The following MICA variants were observed in gnomAD, a reference collection of about 807,000 sequenced individuals.
The protein encoded by MICA is MHC class I polypeptide-related sequence A.
In MICA, 18 loss-of-function variants were observed where a neutral mutation model predicts 34.3. The ratio of observed to expected loss-of-function variants is 0.52; its 90% CI spans 0.36 to 0.78. The LOEUF is 0.78. Among genes scored for constraint, MICA ranks in the 30% least tolerant of loss-of-function variants. The pLI is 0.00. For missense variants in MICA, 333 were observed against 409.4 expected (o/e 0.81, Z 1.61); for synonymous variants, 135 against 156.9 (o/e 0.86, Z 1.04).
upstream of MICA, chr6:31,402,132 TTTTTC>T (rs1302685398): frequency 1.3e-5 from 2 of 151,976 alleles, no homozygotes; most frequent in African/African-American, 4.8e-5. Context: ...CTTTTTTTCT[TTTTTC>T]TTTTCTTTTT....
chr6:31,413,190 C>T (rs1453179920), intron 5 of MICA, among the ~76,000 whole-genome samples: 1 of 151,862 alleles, frequency 6.6e-6, no homozygotes, highest in African/African-American at 2.4e-5. Flanking sequence ...GAGTTTCTTG[C>T]AGATGACATG....
At chr6:31,413,306 T>G (rs73728568) in intron 5 of MICA, among the ~76,000 whole-genome samples, 2,895 of 151,858 alleles carry the variant, frequency 0.019, 124 homozygotes, top group African/African-American at 0.063. Flanking sequence ...AGTGTTTTCT[T>G]CTCCAGTCCC....
intron 1 of MICA, 62 bp from the exon 2 acceptor site, chr6:31,410,481 T>C: frequency 6.3e-7 from 1 of 1,581,716 alleles, no homozygotes; most frequent in Non-Finnish European, 8.6e-7. Flanking sequence ...GACCTGTGTG[T>C]TAAACATCAA....
At chr6:31,404,848 C>G (rs1389978768) in intron 1 of MICA, among the ~76,000 whole-genome samples, 4 of 151,364 alleles carry the variant, frequency 2.6e-5, no homozygotes, top group Admixed American at 2.0e-4. Flanking sequence ...CAGCCTCACC[C>G]TCTTGAGGAC....
At chr6:31,413,533 A>G (rs1481557583) in intron 5 of MICA, among the ~76,000 whole-genome samples, 1 of 151,950 alleles carries the variant, frequency 6.6e-6, no homozygotes, top group East Asian at 1.9e-4. Context: ...CAAAGACAGA[A>G]GCAGTTCAGG....
Position 31,412,356 on chromosome 6 carries a change from G to A in MICA, c.924G>A (p.Gln308=), listed in dbSNP as rs1211108223. The stretch of plus-strand genomic sequence containing the variant: ...TGCTGGTGCTTCAGAGTCATTGGCA[G>A]ACATTCCATGTTTCTGCTGTTGCTG... The part of the protein sequence containing the change: ...GKVLVLQSHW[Q]TFHVSAVAAG... The change falls in exon 5 of 6, where the codon CAG becomes CAA. Residue 308 remains glutamine, a synonymous_variant. Transcript: ENST00000449934. 1 of 1,590,248 alleles carries A rather than the reference G, an allele frequency of 6.3e-7. No individual in the cohort carries two copies. The highest frequency in any genetic ancestry group is 1.4e-5 in the African/African-American group (1 of 72,780).
Position 31,411,282 on chromosome 6 carries a change from A to G in MICA, c.536A>G (p.His179Arg), listed in dbSNP as rs3819268. Residue 179 changes from histidine to arginine, a missense_variant, in exon 3 of 6, where the codon CAC (histidine) becomes CGC (arginine). By Grantham distance (29) the His-to-Arg change is conservative. Transcript: ENST00000449934. This position sits in a 1 kb window ranked among gnomAD's most constrained non-coding sequence, Gnocchi z 4.3. ...LKEDAMKTKT[H>R]YHAMHADCLQ... ...GAAGATGCCATGAAGACCAAGACAC[A>G]CTATCACGCTATGCATGCAGACTGC... 1.8e-4 allele frequency: 282 copies of G among 1,609,616 alleles called. 1 individual carries two copies. In the African/African-American group the frequency reaches 3.3e-3, roughly 19 times the overall value.
At position 31,410,617 on chromosome 6, in the gene MICA, G is replaced by T. The variant is rs1562243848; in HGVS notation, c.145G>T (p.Val49Leu). 6.2e-7 allele frequency: 1 copy of T among 1,613,582 alleles called. No homozygotes were observed. Among genetic ancestry groups the T allele is most frequent in the Admixed American group, 1.7e-5 (1 of 59,790 alleles). ...TGTGCAGTCAGGGTTTCTTGCTGAG[G>T]TACATCTGGATGGTCAGCCCTTCCT... is the stretch of plus-strand genomic sequence containing the variant. The part of the protein sequence containing the change: ...GSVQSGFLAE[V>L]HLDGQPFLRY... Residue 49 changes from valine (V) to leucine (L), a missense_variant, in exon 2 of 6, where the codon GTA becomes TTA. Transcript: ENST00000449934.
In MICA at chr6:31,411,808, C is replaced by G; in HGVS notation, c.614-139C>G. On this transcript the variant is annotated intron_variant, in intron 3 of 5. Transcript: ENST00000449934. This position sits in a 1 kb window ranked among gnomAD's most constrained non-coding sequence, Gnocchi z 4.3. The stretch of plus-strand genomic sequence containing the variant: ...CCTGCCAGCCTGGAAGAACTGGGCC[C>G]CAGAGTGAGGACAGACTTGCAGGTC... The G allele has an allele frequency of 2.2e-6, 3 of 1,343,366 alleles. No individual in the cohort carries two copies. The highest frequency in any genetic ancestry group is 2.6e-4 in the Middle Eastern group (1 of 3,784). 83.2% of individuals were successfully genotyped at this position (1,343,366 alleles called of 1,614,324 possible).
chr6:31,403,186 T>C (rs541957398), upstream of MICA, among the ~76,000 whole-genome samples: 42 of 151,874 alleles, frequency 2.8e-4, 1 homozygote, highest in African/African-American at 9.7e-4. The surrounding 1 kb of genome is among the most constrained non-coding windows in gnomAD (Gnocchi z 4.7). Flanking sequence ...CCACGCGTTG[T>C]CTGTCCTGGA....
intron 1 of MICA, among the ~76,000 whole-genome samples, chr6:31,406,501 G>A (rs1770758694): frequency 1.3e-5 from 2 of 151,380 alleles, no homozygotes; most frequent in South Asian, 4.2e-4. Flanking sequence ...TCCCATTCTT[G>A]GATGGTCTCT....
rs945423934 is a variant in MICA, at chr6:31,410,811, G to A, written c.325+14G>A. On this transcript the variant is annotated intron_variant, in intron 2 of 5. Transcript: ENST00000449934. The stretch of plus-strand genomic sequence containing the variant: ...ACCAGAAAGAAGGTGAGAGTCGGCA[G>A]GGGCAAGAGTGACTGGAGAGGCCTT... The A allele has an allele frequency of 6.4e-7, 1 of 1,552,184 alleles. No individual in the cohort carries two copies. The highest frequency in any genetic ancestry group is 8.7e-7 in the Non-Finnish European group (1 of 1,147,478).
intron 1 of MICA, among the ~76,000 whole-genome samples, chr6:31,405,106 C>G (rs1210809500): frequency 6.8e-6 from 1 of 147,086 alleles, no homozygotes; most frequent in Non-Finnish European, 1.5e-5. Context: ...CCCACAGTCA[C>G]TCCTGCCCCA....
Position 31,412,384 on chromosome 6 carries a change from G to GCTGTTGCTGCT in MICA, c.952_953insCTGTTGCTGCT (p.Gly318AlafsTer72). 8.3e-7 allele frequency: 1 copy of GCTGTTGCTGCT among 1,199,602 alleles called. No homozygotes were observed. The highest frequency in any genetic ancestry group is 1.4e-5 in the South Asian group (1 of 69,788). The allele number at this position is 1,199,602 out of a possible 1,614,324, so 74.3% of individuals were successfully genotyped here. A position where few individuals can be genotyped will look rare whatever the true frequency, so the allele number is the denominator to read the frequency against. ...ATTCCATGTTTCTGCTGTTGCTGCT[G>GCTGTTGCTGCT]GCTGCTGCTATTTTTGTTATTATTA... is the stretch of plus-strand genomic sequence containing the variant. On this transcript the variant is annotated frameshift_variant, in exon 5 of 6. Coordinates refer to ENST00000449934, the MANE Select transcript of MICA (RefSeq NM_001177519.3). LOFTEE classifies it high-confidence loss of function.
At position 31,410,709 on chromosome 6, in the gene MICA, T is replaced by C. The variant is rs41541112; in HGVS notation, c.237T>C (p.Asn79=). ...QGQWAEDVLG[N]KTWDRETRDL... is the part of the protein sequence containing the mutation. ...AGTGGGCAGAAGATGTCCTGGGAAA[T>C]AAGACATGGGACAGAGAGACCAGGG... The change falls in exon 2 of 6, where the codon AAT becomes AAC. Residue 79 remains asparagine, a synonymous_variant. Coordinates refer to ENST00000449934, the MANE Select transcript of MICA (RefSeq NM_001177519.3). The C allele has an allele frequency of 3.0e-3, 4,891 of 1,611,890 alleles. 26 individuals carry two copies. The highest frequency in any genetic ancestry group is 3.0e-3 in the Non-Finnish European group (3,569 of 1,179,472).
Position 31,410,616 on chromosome 6 carries a change from G to C in MICA, c.144G>C (p.Glu48Asp), listed in dbSNP as rs1235103573. The C allele has an allele frequency of 1.9e-5, 30 of 1,613,434 alleles. No individual in the cohort carries two copies. Among genetic ancestry groups the C allele is most frequent in the Non-Finnish European group, 2.5e-5 (30 of 1,180,024 alleles). The change falls in exon 2 of 6, where the codon GAG becomes GAC. Residue 48 changes from glutamate (E) to aspartate (D), a missense_variant. Coordinates refer to ENST00000449934, the MANE Select transcript of MICA (RefSeq NM_001177519.3). ...DGSVQSGFLA[E>D]VHLDGQPFLR... is the part of the protein sequence containing the mutation. ...CTGTGCAGTCAGGGTTTCTTGCTGAGGTACATCTGGATGGTCAGCCCTTCC... is the reference window on the plus strand; with the variant it reads ...CTGTGCAGTCAGGGTTTCTTGCTGACGTACATCTGGATGGTCAGCCCTTCC...
At chr6:31,414,359 C>T (rs7774983) in intron 5 of MICA, among the ~76,000 whole-genome samples, 48,491 of 151,728 alleles carry the variant, frequency 0.32, 8,298 homozygotes, top group African/African-American at 0.4. Context: ...GCAGGAGTAG[C>T]GGTTACTCAA....
Position 31,411,963 on chromosome 6 carries a change from T to C in MICA, c.630T>C (p.Asn210=), listed in dbSNP as rs1771181290. Residue 210 remains asparagine (N), a synonymous_variant, in exon 4 of 6, where the codon AAT becomes AAC. Coordinates refer to ENST00000449934, the MANE Select transcript of MICA (RefSeq NM_001177519.3). This position sits in a 1 kb window ranked among gnomAD's most constrained non-coding sequence, Gnocchi z 4.3. The stretch of plus-strand genomic sequence containing the variant: ...CTTCTCCAGTGCCCCCCATGGTGAA[T>C]GTCACCCGCAGCGAGGCCTCAGAGG... The part of the protein sequence containing the change: ...VLRRTVPPMV[N]VTRSEASEGN... 1.2e-6 allele frequency: 2 copies of C among 1,612,642 alleles called. No homozygotes were observed. The highest frequency in any genetic ancestry group is 1.7e-6 in the Non-Finnish European group (2 of 1,179,494).
upstream of MICA, among the ~76,000 whole-genome samples, chr6:31,402,864 G>A (rs1770512436): frequency 6.6e-6 from 1 of 151,710 alleles, no homozygotes; most frequent in Non-Finnish European, 1.5e-5. Flanking sequence ...TGGTGTTGTA[G>A]TGAACCACAG....
Sources: allele counts gnomAD v4.1 joint callset (sites outside exome capture counted in the v4.1 genomes callset), GRCh38; gene constraint gnomAD v4.1.1; non-coding constraint Gnocchi (gnomAD v3.1); transcripts MANE v1.5; gene names NCBI Gene and HGNC (gene_info 2026-07-23, HGNC 2026-07-21).